NINJ2: variants seen among roughly 807,000 people sequenced by gnomAD.
NINJ2 encodes ninjurin 2.
NINJ2 carries 12 observed loss-of-function variants against 11.7 expected under a neutral mutation model. The ratio of observed to expected loss-of-function variants is 1.02; its 90% confidence interval spans 0.66 to 1.66. The LOEUF is 1.66. Ranked by LOEUF, NINJ2 falls within the 40% of genes most tolerant of loss-of-function variation. NINJ2 has a pLI of 0.00. For missense variants in NINJ2, 187 were observed against 181.8 expected (o/e 1.03, Z -0.16); for synonymous variants, 93 against 76.8 (o/e 1.21, Z -1.10).
chr12:616,464 G>A (rs891962526), intron 1 of NINJ2, among the ~76,000 whole-genome samples: 1 of 152,208 alleles, frequency 6.6e-6, no homozygotes, highest in Admixed American at 6.5e-5. Flanking sequence ...TCGTTGGGTG[G>A]TGGCAGAACA....
At chr12:650,265 A>T (rs1045284635) in intron 1 of NINJ2, among the ~76,000 whole-genome samples, 10 of 151,760 alleles carry the variant, frequency 6.6e-5, no homozygotes, top group African/African-American at 2.4e-4. Context: ...TTATATTTTT[A>T]GTAGAGACGG....
chr12:612,750 A>G (rs1357818175), intron 1 of NINJ2, among the ~76,000 whole-genome samples: 1 of 152,134 alleles, frequency 6.6e-6, no homozygotes, highest in African/African-American at 2.4e-5. Flanking sequence ...TGTCACCCGT[A>G]ACCCAAAGTG....
chr12:610,269 T>G, intron 1 of NINJ2: 1 of 1,285,724 alleles, frequency 7.8e-7, no homozygotes, highest in Non-Finnish European at 1.1e-6. Context: ...CTGGCAGCCC[T>G]CTTCACCTGC....
intron 1 of NINJ2, 99 bp downstream of exon 1, chr12:663,229 G>A: frequency 9.3e-7 from 1 of 1,074,030 alleles, no homozygotes; most frequent in Non-Finnish European, 1.4e-6. Context: ...AAGAGAACGG[G>A]GAGGGAGAAT....
intron 1 of NINJ2, among the ~76,000 whole-genome samples, chr12:660,339 GCTTT>G (rs1211643026): frequency 2.8e-5 from 4 of 143,534 alleles, no homozygotes; most frequent in Non-Finnish European, 6.0e-5. Context: ...AAGTTGTTAT[GCTTT>G]CTTTCTTTTT....
Position 614,553 on chromosome 12 carries a change from T to C in NINJ2, c.34-48375A>G, listed in dbSNP as rs906332121. Among the ~76,000 whole-genome samples, 3 of 152,068 alleles carry C rather than the reference T, an allele frequency of 2.0e-5. No homozygotes were observed. Among genetic ancestry groups the C allele is most frequent in the African/African-American group, 7.3e-5 (3 of 41,338 alleles). ...CCTGCCGGGCCTGGCTCCCTCCCTC[T>C]GTCTTCTTCCCCTTGCATTCCCTAC... is the stretch of plus-strand genomic sequence containing the variant. On this transcript the variant is annotated intron_variant, in intron 1 of 3. Coordinates refer to ENST00000305108, the MANE Select transcript of NINJ2 (RefSeq NM_016533.6). This position sits in a 1 kb window ranked among gnomAD's most constrained non-coding sequence, Gnocchi z 5.1.
chr12:612,430 AG>A (rs1203163186), intron 1 of NINJ2, among the ~76,000 whole-genome samples: 3 of 152,124 alleles, frequency 2.0e-5, no homozygotes, highest in African/African-American at 7.2e-5. Context: ...TGGGTAGAGT[AG>A]GGGCGGGAGT....
chr12:643,345 G>C, intron 1 of NINJ2: 1 of 742,796 alleles, frequency 1.3e-6, no homozygotes, highest in Non-Finnish European at 1.6e-6. Context: ...GCCGGGTGGG[G>C]AGGGGAGGGT....
intron 1 of NINJ2, among the ~76,000 whole-genome samples, chr12:642,475 G>A (rs1307599133): frequency 1.3e-5 from 2 of 152,176 alleles, no homozygotes; most frequent in Non-Finnish European, 2.9e-5. Flanking sequence ...AGGTCCCCCC[G>A]CCTCGGCCTG....
chr12:634,262 G>GTT (rs1565643231), intron 1 of NINJ2, among the ~76,000 whole-genome samples: 5 of 75,622 alleles, frequency 6.6e-5, no homozygotes, highest in African/African-American at 2.0e-4. Flanking sequence ...ATTAGTTGCA[G>GTT]TTCTTTTTTT....
chr12:649,835 T>C (rs976805715), intron 1 of NINJ2, among the ~76,000 whole-genome samples: 3 of 152,074 alleles, frequency 2.0e-5, no homozygotes, highest in Non-Finnish European at 4.4e-5. Context: ...ATGAAGTGTT[T>C]ATGAGCTTGT....
In NINJ2 at chr12:591,718, G is replaced by A. The variant is rs754266806; in HGVS notation, c.34-25540C>T. Among the ~76,000 whole-genome samples the A allele has an allele frequency of 3.3e-5, 5 of 152,312 alleles. No individual in the cohort carries two copies. Among genetic ancestry groups the A allele is most frequent in the South Asian group, 4.1e-4 (2 of 4,826 alleles). ...TTCTCGCCCCAGGTCCCTTGGGCACGTCTTATCTTATCGTGCAGCTGGGCT... is the reference window on the plus strand; with the variant it reads ...TTCTCGCCCCAGGTCCCTTGGGCACATCTTATCTTATCGTGCAGCTGGGCT... On this transcript the variant is annotated intron_variant, in intron 1 of 3. Coordinates refer to ENST00000305108, the MANE Select transcript of NINJ2 (RefSeq NM_016533.6). The surrounding 1 kb of genome is among the most constrained non-coding windows in gnomAD (Gnocchi z 5.0).
At chr12:594,772 T>A (rs1419763575) in intron 1 of NINJ2, among the ~76,000 whole-genome samples, 1 of 152,214 alleles carries the variant, frequency 6.6e-6, no homozygotes, top group African/African-American at 2.4e-5. Flanking sequence ...ATCTATAGAT[T>A]CAATGCAATC....
rs1947615395 is a variant in NINJ2, at chr12:585,222, G to A, written c.34-19044C>T. 6.6e-6 allele frequency among the ~76,000 whole-genome samples: 1 copy of A among 151,176 alleles called. No individual in the cohort carries two copies. Among genetic ancestry groups the A allele is most frequent in the South Asian group, 2.1e-4 (1 of 4,714 alleles). ...GCAGTGACCTTCACCTGCCGCCAGC[G>A]GTTCTCTCCCCGCCATTCACTGGGC... On this transcript the variant is annotated intron_variant, in intron 1 of 3. Coordinates refer to ENST00000305108, the MANE Select transcript of NINJ2 (RefSeq NM_016533.6). The surrounding 1 kb of genome is among the most constrained non-coding windows in gnomAD (Gnocchi z 4.1).
intron 1 of NINJ2, chr12:610,697 G>GTA: frequency 1.4e-6 from 1 of 694,534 alleles, no homozygotes; most frequent in Non-Finnish European, 1.8e-6. Flanking sequence ...ACTGGGCTAT[G>GTA]ACAAGGACAA....
chr12:572,019 A>T (rs1947383978), intron 1 of NINJ2, among the ~76,000 whole-genome samples: 1 of 152,250 alleles, frequency 6.6e-6, no homozygotes, highest in Admixed American at 6.5e-5. Context: ...CCCAGAGGGC[A>T]TCACCAAAGG....
intron 1 of NINJ2, among the ~76,000 whole-genome samples, chr12:627,746 C>T (rs772747248): frequency 4.6e-5 from 7 of 152,216 alleles, no homozygotes; most frequent in Non-Finnish European, 8.8e-5. Context: ...GCTCAAGAGA[C>T]CCCTGCCAAA....
intron 1 of NINJ2, among the ~76,000 whole-genome samples, chr12:607,196 C>T (rs1256895686): frequency 6.6e-6 from 1 of 152,202 alleles, no homozygotes; most frequent in African/African-American, 2.4e-5. Flanking sequence ...ATCTACTCAA[C>T]CAGAATCTGC....
At chr12:565,170 G>A in intron 3 of NINJ2, 47 bp downstream of exon 3, 1 of 1,487,994 alleles carries the variant, frequency 6.7e-7, no homozygotes. Flanking sequence ...AGAGAGAAGG[G>A]CCACCTGGGG....
Sources: allele counts gnomAD v4.1 joint callset (sites outside exome capture counted in the v4.1 genomes callset), GRCh38; gene constraint gnomAD v4.1.1; non-coding constraint Gnocchi (gnomAD v3.1); transcripts MANE v1.5; gene names NCBI Gene and HGNC (gene_info 2026-07-23, HGNC 2026-07-21).